The following ZFP64 variants were observed in gnomAD, a reference collection of about 807,000 sequenced individuals.
ZFP64 encodes the protein ZFP64 zinc finger protein.
Under a neutral mutation model 51.6 loss-of-function variants are expected in ZFP64, and 14 were observed. The observed-to-expected ratio is 0.27, with a 90% CI of 0.18 to 0.42. The LOEUF (loss-of-function observed/expected upper bound fraction) is 0.42. Among genes scored for constraint, ZFP64 ranks in the 10% least tolerant of loss-of-function variants. ZFP64 has a pLI of 1.00. For synonymous variants in ZFP64, 375 were observed against 361.4 expected, an observed-to-expected ratio of 1.04 and a Z score of -0.43; for missense variants, 754 against 906.8, an observed-to-expected ratio of 0.83 and a Z score of 2.16.
At position 52,191,512 on chromosome 20, in the gene ZFP64, G is replaced by C. The variant is rs1453258838; in HGVS notation, c.46+79C>G. On this transcript the variant is annotated intron_variant, in intron 1 of 5. Transcript: ENST00000216923. The surrounding 1 kb of genome is among the most constrained non-coding windows in gnomAD (Gnocchi z 4.3). The stretch of plus-strand genomic sequence containing the variant: ...TCGGGGCCCCGGGCCTGCTGGCTGC[G>C]TCGCAGACGTGCTTGGGCCCGGGCC... 1 of 1,419,604 alleles carries C rather than the reference G, an allele frequency of 7.0e-7. No individual in the cohort carries two copies. The highest frequency in any genetic ancestry group is 2.9e-5 in the Admixed American group (1 of 34,968). 87.9% of individuals were successfully genotyped at this position (1,419,604 alleles called of 1,614,324 possible).
chr20:52,175,897 GAA>G, intron 2 of ZFP64: 1 of 965,828 alleles, frequency 1.0e-6, no homozygotes, highest in Non-Finnish European at 1.2e-6. Context: ...TTTTCTGAGA[GAA>G]AAGAGAAAAT....
chr20:52,109,212 A>T (rs1422341937), intron 5 of ZFP64, among the ~76,000 whole-genome samples: 2 of 151,692 alleles, frequency 1.3e-5, no homozygotes, highest in East Asian at 3.9e-4. Context: ...GTGCAGTGGC[A>T]TGATCTTGGC....
At chr20:52,139,848 GT>G (rs555986732) in intron 5 of ZFP64, among the ~76,000 whole-genome samples, 203 of 129,792 alleles carry the variant, frequency 1.6e-3, no homozygotes, top group East Asian at 3.4e-3. Flanking sequence ...GCGCTGAGTT[GT>G]TTTTTTTTTT....
intron 5 of ZFP64, among the ~76,000 whole-genome samples, chr20:52,119,677 C>T (rs1600725182): frequency 6.7e-6 from 1 of 148,562 alleles, no homozygotes; most frequent in South Asian, 2.2e-4. Flanking sequence ...AAGCAGGAGA[C>T]TTGCTTGAAC....
At chr20:52,111,349 T>C (rs1285780778) in intron 5 of ZFP64, among the ~76,000 whole-genome samples, 2 of 151,924 alleles carry the variant, frequency 1.3e-5, no homozygotes, top group Admixed American at 6.6e-5. Flanking sequence ...CCCAAGTAGC[T>C]GGGATTATAA....
At chr20:52,185,544 C>T (rs987025438) in intron 2 of ZFP64, among the ~76,000 whole-genome samples, 1 of 151,614 alleles carries the variant, frequency 6.6e-6, no homozygotes, top group Non-Finnish European at 1.5e-5. Flanking sequence ...ACCAAACCTC[C>T]CCTGTAAATC....
At chr20:52,157,544 C>G (rs928684539) in intron 5 of ZFP64, among the ~76,000 whole-genome samples, 8 of 152,214 alleles carry the variant, frequency 5.3e-5, no homozygotes, top group Admixed American at 2.6e-4. Context: ...AACCAAAGAG[C>G]TGAGCCAAGG....
intron 5 of ZFP64, among the ~76,000 whole-genome samples, chr20:52,115,881 C>A (rs946414027): frequency 6.6e-6 from 1 of 151,996 alleles, no homozygotes; most frequent in Non-Finnish European, 1.5e-5. Flanking sequence ...GCTGCCCAGG[C>A]TGGAATGCAT....
At chr20:52,188,543 G>A (rs532748650) in intron 1 of ZFP64, among the ~76,000 whole-genome samples, 2 of 150,898 alleles carry the variant, frequency 1.3e-5, no homozygotes, top group African/African-American at 4.9e-5. Flanking sequence ...TCGATCTCCT[G>A]ACCTCGTGAT....
intron 5 of ZFP64, among the ~76,000 whole-genome samples, chr20:52,142,309 A>G (rs145401691): frequency 2.6e-5 from 4 of 151,288 alleles, no homozygotes; most frequent in Non-Finnish European, 4.4e-5. Context: ...CGGAGGTTGC[A>G]GTGAGCCGAG....
chr20:52,102,743 G>A (rs2079066637), intron 5 of ZFP64, among the ~76,000 whole-genome samples: 3 of 152,174 alleles, frequency 2.0e-5, no homozygotes, highest in Admixed American at 6.5e-5. Context: ...TGTCCCACTG[G>A]ATAAGCTACT....
rs1981653567 is a variant in ZFP64, at chr20:52,160,111, G to A, written c.763+12C>T. 1 of 1,614,126 alleles carries A rather than the reference G, an allele frequency of 6.2e-7. No individual in the cohort carries two copies. The highest frequency in any genetic ancestry group is 1.3e-5 in the African/African-American group (1 of 74,948). On this transcript the variant is annotated intron_variant, in intron 5 of 5. Coordinates refer to ENST00000216923, the MANE Select transcript of ZFP64 (RefSeq NM_018197.3). This position sits in a 1 kb window ranked among gnomAD's most constrained non-coding sequence, Gnocchi z 4.2. The stretch of plus-strand genomic sequence containing the variant: ...TGAGGAGCGTAGAGAGCAAATAACA[G>A]GCAGGACTCACCCGTGTGGGATCGC...
intron 5 of ZFP64, among the ~76,000 whole-genome samples, chr20:52,128,999 C>T (rs1030572058): frequency 1.6e-4 from 24 of 151,998 alleles, no homozygotes; most frequent in Admixed American, 4.6e-4. Context: ...CTGCTACCTC[C>T]GCCTCCCAGG....
At chr20:52,167,333 AT>A (rs1204246770) in intron 2 of ZFP64, among the ~76,000 whole-genome samples, 26 of 152,264 alleles carry the variant, frequency 1.7e-4, no homozygotes, top group African/African-American at 6.0e-4. Flanking sequence ...CTCAAAAAAA[AT>A]AAAAAATAAA....
intron 8 of ZFP64, among the ~76,000 whole-genome samples, chr20:52,086,360 G>A (rs1049863774): frequency 8.6e-5 from 13 of 151,994 alleles, no homozygotes. Context: ...CTTTTCTTAC[G>A]TGTTGCTCAT....
chr20:52,124,653 A>G (rs1028025683), intron 5 of ZFP64, among the ~76,000 whole-genome samples: 1 of 151,888 alleles, frequency 6.6e-6, no homozygotes, highest in African/African-American at 2.4e-5. Context: ...TCCATCACCC[A>G]GCCTGGAGTA....
chr20:52,135,593 C>A (rs1310686732), intron 5 of ZFP64, among the ~76,000 whole-genome samples: 2 of 152,216 alleles, frequency 1.3e-5, no homozygotes, highest in African/African-American at 4.8e-5. Flanking sequence ...CTCAAGTGAT[C>A]TTCCCACCTC....
At chr20:52,107,230 C>G (rs1978330545) in intron 5 of ZFP64, among the ~76,000 whole-genome samples, 1 of 152,156 alleles carries the variant, frequency 6.6e-6, no homozygotes, top group Admixed American at 6.5e-5. Flanking sequence ...CCCTCTTATA[C>G]TGCTTGAGGT....
At chr20:52,138,757 C>T (rs1480383158) in intron 5 of ZFP64, among the ~76,000 whole-genome samples, 6 of 152,002 alleles carry the variant, frequency 3.9e-5, no homozygotes, top group Admixed American at 1.3e-4. Context: ...CAAATAGATA[C>T]AAACTAAGAA....
Sources: gnomAD v4.1 joint callset for allele counts (sites outside exome capture counted in the v4.1 genomes callset) on GRCh38, gnomAD v4.1.1 for gene constraint, Gnocchi (gnomAD v3.1) non-coding constraint, MANE v1.5 for transcripts, NCBI Gene and HGNC (gene_info 2026-07-23, HGNC 2026-07-21) for gene names.